Variants in NUP62CL observed in about 807,000 individuals in gnomAD.
The protein encoded by NUP62CL is nucleoporin-62 C-terminal-like protein.
Under a neutral mutation model 15.3 loss-of-function variants are expected in NUP62CL, and 13 were observed. That is an observed-to-expected ratio of 0.85 (90% CI 0.55 to 1.35). The LOEUF (loss-of-function observed/expected upper bound fraction) is 1.35. NUP62CL is among the 40% of genes most tolerant of loss of function. The pLI, the probability that NUP62CL is intolerant of heterozygous loss-of-function variation, is 0.00. For synonymous variants in NUP62CL, 54 were observed against 49.2 expected (o/e 1.10, Z -0.41); for missense variants, 123 against 130.6 (o/e 0.94, Z 0.28).
At chrX:107,171,779 G>C (rs1204319332) in intron 3 of NUP62CL, among the ~76,000 whole-genome samples, 1 of 110,838 alleles carries the variant, frequency 9.0e-6, no homozygotes, top group Non-Finnish European at 1.9e-5. Flanking sequence ...GAAGGAATTT[G>C]AGACTTATAT....
At chrX:107,130,918 G>A (rs190158118) in intron 8 of NUP62CL, among the ~76,000 whole-genome samples, 66 of 111,000 alleles carry the variant, frequency 5.9e-4, no homozygotes, top group African/African-American at 2.1e-3. Flanking sequence ...ATATTAGGAT[G>A]AGGAAAATGT....
chrX:107,172,671 A>G (rs1271157864), intron 3 of NUP62CL, among the ~76,000 whole-genome samples: 1 of 111,505 alleles, frequency 9.0e-6, no homozygotes, highest in Non-Finnish European at 1.9e-5. Flanking sequence ...ACTTCAATAG[A>G]GGTCAAAACT....
intron 7 of NUP62CL, among the ~76,000 whole-genome samples, chrX:107,149,046 T>C (rs967669464): frequency 9.0e-5 from 10 of 111,697 alleles, no homozygotes; most frequent in Non-Finnish European, 1.9e-4. Flanking sequence ...TACCCTTTAA[T>C]TGACTCATCT....
At chrX:107,131,229 T>C (rs926033010) in intron 8 of NUP62CL, among the ~76,000 whole-genome samples, 1 of 111,407 alleles carries the variant, frequency 9.0e-6, no homozygotes, top group Non-Finnish European at 1.9e-5. Flanking sequence ...AGTGGGAAAC[T>C]AGTGAAGAGA....
chrX:107,127,024 C>T (rs1424395675), intron 8 of NUP62CL, among the ~76,000 whole-genome samples: 8 of 108,978 alleles, frequency 7.3e-5, no homozygotes, highest in Non-Finnish European at 1.5e-4. Flanking sequence ...ACGAGAGAAA[C>T]TCTGTCTCAA....
At chrX:107,189,720 GA>G in intron 2 of NUP62CL, among the ~76,000 whole-genome samples, 1 of 106,450 alleles carries the variant, frequency 9.4e-6, no homozygotes. Flanking sequence ...CTGGGAGGTC[GA>G]GGCTGCAGTA....
chrX:107,178,634 C>T (rs1256447787), intron 2 of NUP62CL, among the ~76,000 whole-genome samples: 6 of 111,730 alleles, frequency 5.4e-5, no homozygotes, highest in Admixed American at 9.5e-5. Flanking sequence ...CCTATTATTG[C>T]CTGCATTCAA....
Position 107,147,724 on chromosome X carries a change from C to G in NUP62CL, c.*42+19G>C. ...TACTTGCAATAAATACACAGAGTGG[C>G]ATACAAGCAAACTCCCACCTGAATT... On this transcript the variant is annotated intron_variant, in intron 8 of 8. Coordinates refer to ENST00000372466, the MANE Select transcript of NUP62CL (RefSeq NM_017681.3). 1 of 964,671 alleles carries G rather than the reference C, an allele frequency of 1.0e-6. No homozygotes were observed. The highest frequency in any genetic ancestry group is 1.5e-6 in the Non-Finnish European group (1 of 670,948). The allele number at this position is 964,671 out of a possible 1,213,427, so 79.5% of individuals were successfully genotyped here. A position where few individuals can be genotyped will look rare whatever the true frequency, so the allele number is the denominator to read the frequency against.
intron 6 of NUP62CL, 43 bp downstream of exon 6, chrX:107,153,411 G>A: frequency 9.0e-7 from 1 of 1,108,529 alleles, no homozygotes; most frequent in South Asian, 2.1e-5. Context: ...TGAATAAAAA[G>A]ATAGGTCTTT....
intron 1 of NUP62CL, among the ~76,000 whole-genome samples, chrX:107,204,225 G>A (rs905123339): frequency 1.8e-5 from 2 of 111,090 alleles, no homozygotes; most frequent in Non-Finnish European, 3.8e-5. Context: ...CTGCTATCAA[G>A]GCAGAATGGA....
chrX:107,127,565 T>C (rs1050729412), intron 8 of NUP62CL, among the ~76,000 whole-genome samples: 1 of 111,976 alleles, frequency 8.9e-6, no homozygotes, highest in Non-Finnish European at 1.9e-5. Context: ...ATACTTTAGG[T>C]AAATATTCAA....
intron 8 of NUP62CL, among the ~76,000 whole-genome samples, chrX:107,136,242 A>G (rs909422171): frequency 2.7e-5 from 3 of 111,461 alleles, no homozygotes; most frequent in Admixed American, 9.5e-5. Context: ...AGGGTATACC[A>G]CTACAGATCC....
At chrX:107,162,204 G>A (rs1438858957) in intron 4 of NUP62CL, among the ~76,000 whole-genome samples, 1 of 109,974 alleles carries the variant, frequency 9.1e-6, no homozygotes, top group Non-Finnish European at 1.9e-5. Context: ...AAACTTCGCA[G>A]AAACAAATGA....
chrX:107,188,390 G>C (rs930062777), intron 2 of NUP62CL, among the ~76,000 whole-genome samples: 1 of 110,350 alleles, frequency 9.1e-6, no homozygotes, highest in African/African-American at 3.3e-5. Context: ...AAAAGCATTT[G>C]AAAAACTTCA....
intron 4 of NUP62CL, among the ~76,000 whole-genome samples, chrX:107,166,600 T>C (rs1926521123): frequency 8.9e-6 from 1 of 112,051 alleles, no homozygotes; most frequent in South Asian, 3.7e-4. Flanking sequence ...CTTATATTCA[T>C]AATAAACATG....
At chrX:107,198,821 C>T (rs1007936771) in intron 1 of NUP62CL, among the ~76,000 whole-genome samples, 5 of 112,091 alleles carry the variant, frequency 4.5e-5, no homozygotes, top group Non-Finnish European at 1.9e-5. Context: ...CGCGAGGGTC[C>T]GCAGCTTCAT....
intron 8 of NUP62CL, chrX:107,131,536 T>C (rs1332306343): frequency 5.7e-6 from 2 of 348,561 alleles, no homozygotes; most frequent in East Asian, 1.1e-4. Context: ...GGTTTTTAAA[T>C]TGCTGATTAT....
intron 4 of NUP62CL, among the ~76,000 whole-genome samples, chrX:107,165,900 T>C (rs955940759): frequency 8.9e-6 from 1 of 111,951 alleles, no homozygotes; most frequent in Non-Finnish European, 1.9e-5. Context: ...ATATAAAAAT[T>C]GACTCCAGTT....
intron 7 of NUP62CL, among the ~76,000 whole-genome samples, chrX:107,151,562 T>G (rs924340478): frequency 9.2e-6 from 1 of 108,659 alleles, no homozygotes; most frequent in South Asian, 4.0e-4. Context: ...AGTCAATAAA[T>G]ATGTTTATGA....
Sources: allele counts gnomAD v4.1 joint callset (sites outside exome capture counted in the v4.1 genomes callset), GRCh38; gene constraint gnomAD v4.1.1; transcripts MANE v1.5; gene names NCBI Gene and HGNC (gene_info 2026-07-23, HGNC 2026-07-21).